The following ZNF804B variants were observed in gnomAD, a reference collection of about 807,000 sequenced individuals.
The protein encoded by ZNF804B is zinc finger protein 804B.
Under a neutral mutation model 101.4 loss-of-function variants are expected in ZNF804B, and 80 were observed. The observed-to-expected ratio is 0.79, with a 90% CI of 0.66 to 0.95. ZNF804B has a LOEUF of 0.95. Ranked by LOEUF, ZNF804B falls within the 40% of genes least tolerant of loss-of-function variation. The probability of loss-of-function intolerance (pLI) is 0.00; values close to 1 mark genes in which losing one functional copy is unlikely to be tolerated. For missense variants in ZNF804B, 1,673 were observed against 1,561.9 expected (o/e 1.07, Z -1.20); for synonymous variants, 622 against 558.8 (o/e 1.11, Z -1.59).
chr7:89,190,918 C>T (rs1207972084), intron 1 of ZNF804B, among the ~76,000 whole-genome samples: 3 of 152,092 alleles, frequency 2.0e-5, no homozygotes, highest in Non-Finnish European at 2.9e-5. Flanking sequence ...AATGCTATTG[C>T]ACACATAATA....
At chr7:89,143,883 T>A (rs1448321325) in intron 1 of ZNF804B, among the ~76,000 whole-genome samples, 3 of 152,018 alleles carry the variant, frequency 2.0e-5, no homozygotes, top group Admixed American at 2.0e-4. Context: ...TTGTATCACA[T>A]TCTCTTCCCA....
intron 1 of ZNF804B, among the ~76,000 whole-genome samples, chr7:89,132,174 A>G (rs949093639): frequency 1.1e-4 from 8 of 73,628 alleles, no homozygotes; most frequent in African/African-American, 2.8e-4. Flanking sequence ...ACACATACAC[A>G]CACACACACA....
intron 1 of ZNF804B, among the ~76,000 whole-genome samples, chr7:88,966,819 C>T (rs1236096278): frequency 1.3e-5 from 2 of 151,334 alleles, no homozygotes. Context: ...AAAACATTCT[C>T]AGTTCAATTA....
chr7:89,166,520 G>C (rs1358051191), intron 1 of ZNF804B, among the ~76,000 whole-genome samples: 1 of 152,114 alleles, frequency 6.6e-6, no homozygotes, highest in East Asian at 1.9e-4. Flanking sequence ...TTTGCAAGAC[G>C]AATTGTCTGT....
chr7:89,279,386 A>G (rs1030165880), intron 2 of ZNF804B, among the ~76,000 whole-genome samples: 108 of 150,632 alleles, frequency 7.2e-4, no homozygotes, highest in African/African-American at 2.2e-3. Flanking sequence ...TTCCAACACT[A>G]TGTTGAATAG....
intron 1 of ZNF804B, among the ~76,000 whole-genome samples, chr7:88,766,486 A>G (rs550919285): frequency 1.3e-5 from 2 of 152,242 alleles, no homozygotes; most frequent in African/African-American, 4.8e-5. Context: ...CTGATAATAT[A>G]TTTTTCTCTT....
chr7:88,813,980 C>G (rs1280465104), intron 1 of ZNF804B, among the ~76,000 whole-genome samples: 3 of 152,070 alleles, frequency 2.0e-5, no homozygotes, highest in Non-Finnish European at 2.9e-5. Flanking sequence ...CACCATCAGG[C>G]TAAATAGTAC....
intron 1 of ZNF804B, among the ~76,000 whole-genome samples, chr7:88,777,925 A>G (rs1790169247): frequency 6.6e-6 from 1 of 151,992 alleles, no homozygotes. Context: ...TTCTGAATAT[A>G]TATGTATATA....
intron 1 of ZNF804B, among the ~76,000 whole-genome samples, chr7:89,028,496 A>G (rs558982584): frequency 1.9e-4 from 29 of 152,216 alleles, no homozygotes; most frequent in African/African-American, 6.3e-4. Context: ...TGGGTGGTGC[A>G]TTTGTGGGGC....
intron 1 of ZNF804B, among the ~76,000 whole-genome samples, chr7:88,952,799 G>C (rs1462198460): frequency 6.6e-6 from 1 of 151,682 alleles, no homozygotes; most frequent in Admixed American, 6.6e-5. Flanking sequence ...AAAAAGTTGG[G>C]TTTCTAAAGA....
At chr7:89,223,979 T>G (rs542654459) in intron 2 of ZNF804B, among the ~76,000 whole-genome samples, 2 of 152,074 alleles carry the variant, frequency 1.3e-5, no homozygotes, top group East Asian at 3.9e-4. Flanking sequence ...ATAGGTAACA[T>G]GTCAATAACA....
At chr7:88,881,632 C>G (rs189229581) in intron 1 of ZNF804B, among the ~76,000 whole-genome samples, 86 of 152,166 alleles carry the variant, frequency 5.7e-4, no homozygotes, top group Non-Finnish European at 9.9e-4. Flanking sequence ...CAAATCCATC[C>G]CATTGTTTGG....
At chr7:89,019,482 C>T (rs1191498539) in intron 1 of ZNF804B, among the ~76,000 whole-genome samples, 1 of 152,016 alleles carries the variant, frequency 6.6e-6, no homozygotes, top group African/African-American at 2.4e-5. Flanking sequence ...TTGTAAATAT[C>T]TATTAAGTCC....
At chr7:89,020,260 C>G (rs901361182) in intron 1 of ZNF804B, among the ~76,000 whole-genome samples, 2 of 152,018 alleles carry the variant, frequency 1.3e-5, no homozygotes. Context: ...ATGATAAATT[C>G]TTTTAGTTTT....
Position 88,987,700 on chromosome 7 carries a change from T to C in ZNF804B, c.108+227616T>C, listed in dbSNP as rs527923603. On this transcript the variant is annotated intron_variant, in intron 1 of 3. Transcript: ENST00000333190. ...ATACAAGCATACAATGTGTAACAAA[T>C]AAGCCTGGGTAATTGGGATATCCAT... 9.3e-4 allele frequency among the ~76,000 whole-genome samples: 142 copies of C among 152,214 alleles called. 2 individuals carry two copies. In the Middle Eastern group the frequency reaches 0.01, roughly 11 times the overall value.
chr7:89,252,777 C>G (rs1936524414), intron 2 of ZNF804B, among the ~76,000 whole-genome samples: 1 of 152,162 alleles, frequency 6.6e-6, no homozygotes, highest in South Asian at 2.1e-4. Flanking sequence ...CGAATTAGCA[C>G]AGAAGCAGAA....
intron 1 of ZNF804B, among the ~76,000 whole-genome samples, chr7:89,206,807 C>T (rs761743293): frequency 2.6e-5 from 4 of 152,070 alleles, no homozygotes; most frequent in Non-Finnish European, 5.9e-5. Flanking sequence ...TTTAACAGCA[C>T]CCAAGTCAGC....
chr7:88,876,911 A>G (rs866011508), intron 1 of ZNF804B, among the ~76,000 whole-genome samples: 2 of 148,614 alleles, frequency 1.3e-5, no homozygotes, highest in Admixed American at 1.4e-4. Context: ...TATGAATTAA[A>G]AATAAGTAAT....
chr7:89,189,196 A>G (rs2115608038), intron 1 of ZNF804B, among the ~76,000 whole-genome samples: 1 of 152,310 alleles, frequency 6.6e-6, no homozygotes, highest in African/African-American at 2.4e-5. Flanking sequence ...AAAGCATGGA[A>G]GACAACACAA....
Sources: gnomAD v4.1 joint callset for allele counts (sites outside exome capture counted in the v4.1 genomes callset) on GRCh38, gnomAD v4.1.1 for gene constraint, MANE v1.5 for transcripts, NCBI Gene and HGNC (gene_info 2026-07-23, HGNC 2026-07-21) for gene names.